Variants in FGF10 observed in about 807,000 individuals in gnomAD.
FGF10 encodes the protein FGF-10.
In FGF10, 2 loss-of-function variants were observed where a neutral mutation model predicts 19.8. That is an observed-to-expected ratio of 0.10 (90% confidence interval 0.04 to 0.32). The LOEUF is 0.32. Among genes scored for constraint, FGF10 ranks in the 10% least tolerant of loss-of-function variants. FGF10 has a pLI of 1.00. For synonymous variants in FGF10, 112 were observed against 94.0 expected (o/e 1.19, Z -1.10); for missense variants, 191 against 246.3 (o/e 0.78, Z 1.50).
At chr5:44,328,727 A>C (rs13165847) in intron 1 of FGF10, among the ~76,000 whole-genome samples, 85,799 of 152,088 alleles carry the variant, frequency 0.56, 25,456 homozygotes, top group Non-Finnish European at 0.67. Context: ...GCATTACTGC[A>C]CTCCATCTGA....
At position 44,365,812 on chromosome 5, in the gene FGF10, G is replaced by A. The variant is rs142784070; in HGVS notation, c.325+22546C>T. On this transcript the variant is annotated intron_variant, in intron 1 of 2. Coordinates refer to ENST00000264664, the MANE Select transcript of FGF10 (RefSeq NM_004465.2). Reference sequence around the variant, plus strand: ...GGAGAACTAAATACAAATATAGTTAGCCACAAATGTGATTGTGTGTATCTG... The same window carrying A: ...GGAGAACTAAATACAAATATAGTTAACCACAAATGTGATTGTGTGTATCTG... Among the ~76,000 whole-genome samples the A allele has an allele frequency of 5.7e-3, 864 of 152,122 alleles. 2 individuals are homozygous for A. The highest frequency in any genetic ancestry group is 0.01 in the Non-Finnish European group (691 of 67,944).
At chr5:44,314,657 G>A (rs1401202957) in intron 1 of FGF10, among the ~76,000 whole-genome samples, 3 of 152,002 alleles carry the variant, frequency 2.0e-5, no homozygotes, top group Non-Finnish European at 4.4e-5. Context: ...GTTTGGGCTG[G>A]TAATGTTTTG....
chr5:44,345,952 A>T (rs1741080949), intron 1 of FGF10, among the ~76,000 whole-genome samples: 1 of 151,786 alleles, frequency 6.6e-6, no homozygotes, highest in Non-Finnish European at 1.5e-5. Flanking sequence ...CATGACTTTA[A>T]ATTCAATACA....
chr5:44,386,378 A>T (rs781205514), intron 1 of FGF10, among the ~76,000 whole-genome samples: 2 of 152,270 alleles, frequency 1.3e-5, no homozygotes, highest in South Asian at 2.1e-4. Flanking sequence ...CTGAAACTTT[A>T]TCATATTCTT....
intron 1 of FGF10, among the ~76,000 whole-genome samples, chr5:44,364,184 A>G (rs1233375262): frequency 6.6e-6 from 1 of 152,010 alleles, no homozygotes; most frequent in Admixed American, 6.6e-5. Context: ...TTTTTAAAGC[A>G]AAAGTGGAAA....
chr5:44,378,998 C>A (rs1046669046), intron 1 of FGF10, among the ~76,000 whole-genome samples: 5 of 152,178 alleles, frequency 3.3e-5, no homozygotes, highest in African/African-American at 1.2e-4. Context: ...TGTGCCTTCT[C>A]TGTACTTCTT....
intron 1 of FGF10, among the ~76,000 whole-genome samples, chr5:44,386,308 C>T (rs1742096097): frequency 6.6e-6 from 1 of 152,066 alleles, no homozygotes. Flanking sequence ...ATCATAAAGA[C>T]ATTTAAAGTA....
chr5:44,383,581 G>A (rs150643590), intron 1 of FGF10, among the ~76,000 whole-genome samples: 27 of 152,146 alleles, frequency 1.8e-4, no homozygotes, highest in African/African-American at 6.3e-4. Context: ...TCTCCTCGTA[G>A]GAGGTTATAA....
intron 1 of FGF10, among the ~76,000 whole-genome samples, chr5:44,327,364 C>G (rs1740638810): frequency 6.6e-6 from 1 of 152,162 alleles, no homozygotes; most frequent in Non-Finnish European, 1.5e-5. Flanking sequence ...TCTTTTTCTT[C>G]TAAATTCACT....
At chr5:44,357,338 A>G (rs1741372581) in intron 1 of FGF10, among the ~76,000 whole-genome samples, 1 of 151,432 alleles carries the variant, frequency 6.6e-6, no homozygotes, top group Admixed American at 6.6e-5. Context: ...TAAGAGCAAG[A>G]AGTTATCTTG....
At chr5:44,362,318 G>T (rs1464986604) in intron 1 of FGF10, among the ~76,000 whole-genome samples, 1 of 151,610 alleles carries the variant, frequency 6.6e-6, no homozygotes, top group African/African-American at 2.4e-5. Flanking sequence ...CTTGAAACTT[G>T]AATTGACACC....
At chr5:44,341,178 C>T (rs1165809756) in intron 1 of FGF10, among the ~76,000 whole-genome samples, 1 of 151,876 alleles carries the variant, frequency 6.6e-6, no homozygotes, top group Non-Finnish European at 1.5e-5. Flanking sequence ...ACTATTATAG[C>T]ATAATGTTTT....
At chr5:44,369,366 C>A (rs1247134947) in intron 1 of FGF10, among the ~76,000 whole-genome samples, 1 of 152,078 alleles carries the variant, frequency 6.6e-6, no homozygotes, top group Non-Finnish European at 1.5e-5. Flanking sequence ...CTTCATGTTT[C>A]CAGTTTTGGA....
At chr5:44,335,275 C>T (rs1328972756) in intron 1 of FGF10, among the ~76,000 whole-genome samples, 1 of 151,984 alleles carries the variant, frequency 6.6e-6, no homozygotes, top group African/African-American at 2.4e-5. Flanking sequence ...AAGAAATGAC[C>T]TACTCTCCCT....
At chr5:44,344,568 C>G (rs201334582) in intron 1 of FGF10, among the ~76,000 whole-genome samples, 57 of 126,852 alleles carry the variant, frequency 4.5e-4, no homozygotes, top group East Asian at 1.1e-3. Context: ...TTTGTTTTCT[C>G]TGTGTGTGTG....
intron 1 of FGF10, among the ~76,000 whole-genome samples, chr5:44,364,542 T>C (rs1741563249): frequency 6.6e-6 from 1 of 151,820 alleles, no homozygotes; most frequent in Admixed American, 6.6e-5. Context: ...CACAAAGAAT[T>C]ACCTGGTTCG....
chr5:44,327,879 A>T (rs1304307566), intron 1 of FGF10, among the ~76,000 whole-genome samples: 1 of 152,196 alleles, frequency 6.6e-6, no homozygotes, highest in African/African-American at 2.4e-5. Flanking sequence ...TGACAAAGAC[A>T]GCTGCTAACA....
At chr5:44,318,282 A>G (rs925951302) in intron 1 of FGF10, among the ~76,000 whole-genome samples, 1 of 152,204 alleles carries the variant, frequency 6.6e-6, no homozygotes, top group African/African-American at 2.4e-5. Context: ...GCCATGAGCA[A>G]GGCAGAGAGT....
At position 44,388,720 on chromosome 5, in the gene FGF10, G is replaced by C. The variant is rs200089060; in HGVS notation, c.-38C>G. 27 of 1,605,832 alleles carry C rather than the reference G, an allele frequency of 1.7e-5. No homozygotes were observed. Among genetic ancestry groups the C allele is most frequent in the Middle Eastern group, 3.3e-4 (2 of 6,036 alleles). Reference sequence around the variant, plus strand: ...CTCGGCACTGGAAATTGTCTCATCAGAAGGAACATACTGGAAGGGTAAGAC... The same window carrying C: ...CTCGGCACTGGAAATTGTCTCATCACAAGGAACATACTGGAAGGGTAAGAC... On this transcript the variant is annotated 5_prime_UTR_variant, in exon 1 of 3. Transcript: ENST00000264664.
Sources: gnomAD v4.1 joint callset for allele counts (sites outside exome capture counted in the v4.1 genomes callset) on GRCh38, gnomAD v4.1.1 for gene constraint, MANE v1.5 for transcripts, NCBI Gene and HGNC (gene_info 2026-07-23, HGNC 2026-07-21) for gene names.